The following HECW2 variants were observed in gnomAD, a reference collection of about 807,000 sequenced individuals.
HECW2 encodes the protein E3 ubiquitin-protein ligase HECW2.
HECW2 carries 61 observed loss-of-function variants against 175.2 expected under a neutral mutation model. The observed-to-expected ratio is 0.35, with a 90% confidence interval of 0.28 to 0.43. The LOEUF is 0.43. Among genes scored for constraint, HECW2 ranks in the 20% least tolerant of loss-of-function variants. HECW2 has a pLI of 1.00. For synonymous variants in HECW2, 671 were observed against 731.0 expected (o/e 0.92, Z 1.32); for missense variants, 1,524 against 2,000.5 (o/e 0.76, Z 4.54).
chr2:196,357,006 G>C (rs1180997249), intron 2 of HECW2, among the ~76,000 whole-genome samples: 1 of 152,136 alleles, frequency 6.6e-6, no homozygotes, highest in Non-Finnish European at 1.5e-5. Context: ...CTTACTGTCT[G>C]TCTAGACCAC....
At chr2:196,219,756 C>T (rs992737886) in intron 26 of HECW2, among the ~76,000 whole-genome samples, 5 of 152,126 alleles carry the variant, frequency 3.3e-5, no homozygotes, top group African/African-American at 7.2e-5. Context: ...ACTGACAACA[C>T]GATAAAGTAA....
At chr2:196,502,715 G>A (rs991924977) in intron 1 of HECW2, among the ~76,000 whole-genome samples, 5 of 152,114 alleles carry the variant, frequency 3.3e-5, no homozygotes. Context: ...ACAATAATGG[G>A]TAAGAGCAAC....
At chr2:196,379,610 G>A (rs1419197050) in intron 2 of HECW2, among the ~76,000 whole-genome samples, 8 of 151,204 alleles carry the variant, frequency 5.3e-5, no homozygotes, top group South Asian at 2.1e-4. Context: ...GCATGAACCC[G>A]GGAGGCAGAG....
chr2:196,547,904 T>C (rs1347444038), intron 1 of HECW2, among the ~76,000 whole-genome samples: 5 of 152,172 alleles, frequency 3.3e-5, no homozygotes, highest in Admixed American at 2.0e-4. Context: ...TGGAATCATA[T>C]TGTAAGACAT....
intron 1 of HECW2, among the ~76,000 whole-genome samples, chr2:196,477,920 C>T (rs1173260112): frequency 6.6e-6 from 1 of 152,070 alleles, no homozygotes; most frequent in Non-Finnish European, 1.5e-5. Context: ...AACATGGTGG[C>T]ACGTGCCTGT....
intron 2 of HECW2, among the ~76,000 whole-genome samples, chr2:196,388,140 A>T (rs1534539): frequency 0.94 from 141,437 of 151,142 alleles, 66,715 homozygotes; most frequent in Non-Finnish European, 0.99. Flanking sequence ...AAAAAAAAAA[A>T]ATTTTTAATT....
chr2:196,257,109 T>C (rs535986855), intron 18 of HECW2, among the ~76,000 whole-genome samples: 1 of 152,346 alleles, frequency 6.6e-6, no homozygotes, highest in African/African-American at 2.4e-5. Context: ...CTCTGGAGGT[T>C]ACAGGGATGA....
chr2:196,256,834 C>T (rs1689075068), intron 18 of HECW2, among the ~76,000 whole-genome samples: 1 of 152,218 alleles, frequency 6.6e-6, no homozygotes, highest in Non-Finnish European at 1.5e-5. Flanking sequence ...CACCATAGGT[C>T]CTATTCAGAG....
chr2:196,546,008 G>A (rs1461718957), intron 1 of HECW2, among the ~76,000 whole-genome samples: 3 of 152,204 alleles, frequency 2.0e-5, no homozygotes, highest in Admixed American at 6.5e-5. Context: ...TTCAATTATG[G>A]AGAACACATC....
intron 1 of HECW2, among the ~76,000 whole-genome samples, chr2:196,434,252 G>A (rs892189408): frequency 2.0e-5 from 3 of 152,186 alleles, no homozygotes; most frequent in Non-Finnish European, 2.9e-5. Flanking sequence ...ACAGATGCAG[G>A]AAGAGTAAGC....
chr2:196,479,657 T>C (rs1456586123), intron 1 of HECW2, among the ~76,000 whole-genome samples: 1 of 152,196 alleles, frequency 6.6e-6, no homozygotes. Context: ...GTACTCAATA[T>C]TTCCAAGGAC....
At chr2:196,262,219 G>T (rs1689323431) in intron 17 of HECW2, among the ~76,000 whole-genome samples, 2 of 152,068 alleles carry the variant, frequency 1.3e-5, no homozygotes, top group African/African-American at 4.8e-5. Context: ...TAGAGACAGG[G>T]TCTTGCTATG....
intron 3 of HECW2, 98 bp downstream of exon 3, chr2:196,343,559 C>A: frequency 1.3e-6 from 1 of 767,698 alleles, no homozygotes. Flanking sequence ...AAATCCAAAC[C>A]AAAGAATTTC....
rs190842464 is a variant in HECW2 at position 196,552,656 on chromosome 2, G to A, written c.-36+40852C>T. On this transcript the variant is annotated intron_variant, in intron 1 of 28. Transcript: ENST00000644978. ...CCAAAGGAAGTCCTTCCTCTCTCCCGCTCCCTATGGTTCCTTAAGTGTCTT... is the reference window on the plus strand; with the variant it reads ...CCAAAGGAAGTCCTTCCTCTCTCCCACTCCCTATGGTTCCTTAAGTGTCTT... 9.2e-5 allele frequency among the ~76,000 whole-genome samples: 14 copies of A among 152,104 alleles called. No homozygotes were observed. In the East Asian group the frequency reaches 2.7e-3, roughly 29 times the overall value.
rs1695024853 is a variant in HECW2 at position 196,408,529 on chromosome 2, A to C, written c.292+24603T>G. On this transcript the variant is annotated intron_variant, in intron 2 of 28. Transcript: ENST00000644978. ...AAATAGCTAGAGGATTGCCATAATT[A>C]GGTTAGGGTACAGTGGTAATAGTCA... Among the ~76,000 whole-genome samples, 4 of 152,338 alleles carry C rather than the reference A, an allele frequency of 2.6e-5. No homozygotes were observed. The South Asian group carries it at 8.3e-4, about 32-fold the overall frequency.
intron 1 of HECW2, among the ~76,000 whole-genome samples, chr2:196,569,281 A>C (rs1319480327): frequency 1.3e-5 from 2 of 152,170 alleles, no homozygotes; most frequent in Non-Finnish European, 2.9e-5. Context: ...GTTCAAGGTT[A>C]TAATGAGCTA....
intron 1 of HECW2, among the ~76,000 whole-genome samples, chr2:196,497,900 C>T (rs559387270): frequency 7.9e-5 from 12 of 152,294 alleles, no homozygotes; most frequent in South Asian, 2.1e-4. Flanking sequence ...CACATTAGAT[C>T]GTACTCTTTT....
At chr2:196,317,120 C>T (rs1691726580) in intron 10 of HECW2, 154 bp downstream of exon 10, 7 of 606,064 alleles carry the variant, frequency 1.2e-5, no homozygotes, top group Non-Finnish European at 1.8e-5. Context: ...TGGCCTAGCA[C>T]GTCCCGGACT....
In HECW2 at chr2:196,571,049, T is replaced by C. The variant is rs573113941; in HGVS notation, c.-36+22459A>G. Among the ~76,000 whole-genome samples the C allele has an allele frequency of 2.9e-4, 44 of 152,350 alleles. No individual in the cohort carries two copies. The South Asian group carries it at 4.6e-3, about 16-fold the overall frequency. On this transcript the variant is annotated intron_variant, in intron 1 of 28. Coordinates refer to ENST00000644978, the MANE Select transcript of HECW2 (RefSeq NM_001348768.2). ...ATATTTCCCCAATAACCTACTAATT[T>C]ATCAATGAAATTTAGACTATGAAAT...
Sources: gnomAD v4.1 joint callset for allele counts (sites outside exome capture counted in the v4.1 genomes callset) on GRCh38, gnomAD v4.1.1 for gene constraint, MANE v1.5 for transcripts, NCBI Gene and HGNC (gene_info 2026-07-23, HGNC 2026-07-21) for gene names.